FRMD5: variants seen among roughly 807,000 people sequenced by gnomAD.
FRMD5 encodes the protein FERM domain-containing protein 5.
In FRMD5, 20 loss-of-function variants were observed where a neutral mutation model predicts 69.0. The observed-to-expected ratio is 0.29, with a 90% CI of 0.20 to 0.42. The LOEUF is 0.42. Ranked by LOEUF, FRMD5 falls within the 10% of genes least tolerant of loss-of-function variation. The pLI, the probability that FRMD5 is intolerant of heterozygous loss-of-function variation, is 1.00. For missense variants in FRMD5, 595 were observed against 708.6 expected (o/e 0.84, Z 1.82); for synonymous variants, 271 against 260.1 (o/e 1.04, Z -0.40).
chr15:44,065,583 T>C (rs1050994820), intron 1 of FRMD5, among the ~76,000 whole-genome samples: 2 of 152,080 alleles, frequency 1.3e-5, no homozygotes, highest in African/African-American at 4.8e-5. Context: ...ACTTAGACAG[T>C]TTAATATAAA....
intron 1 of FRMD5, among the ~76,000 whole-genome samples, chr15:43,956,568 G>A (rs2090119138): frequency 6.6e-6 from 1 of 152,118 alleles, no homozygotes; most frequent in Non-Finnish European, 1.5e-5. Context: ...ATTGAATGGA[G>A]AAATCTCAAA....
At chr15:43,898,770 G>A (rs905891056) in intron 7 of FRMD5, among the ~76,000 whole-genome samples, 13 of 152,208 alleles carry the variant, frequency 8.5e-5, no homozygotes, top group South Asian at 2.1e-4. Flanking sequence ...TGGGGCTCCC[G>A]CCAGGAGTTG....
chr15:44,173,437 A>G (rs1170515814), intron 1 of FRMD5, among the ~76,000 whole-genome samples: 8 of 152,210 alleles, frequency 5.3e-5, no homozygotes, highest in Non-Finnish European at 5.9e-5. Context: ...CAAAGTTTCC[A>G]AAAACTCCAA....
Position 44,063,878 on chromosome 15 carries a change from C to T in FRMD5, c.102+131075G>A, listed in dbSNP as rs1243776421. On this transcript the variant is annotated intron_variant, in intron 1 of 13. Transcript: ENST00000417257. ...GGAACCAAAAAGGTCATCATCTCTG[C>T]CCCCTCTGTCGACGTCCCCATGTTT... The T allele has an allele frequency of 2.5e-5, 7 of 274,588 alleles. No homozygotes were observed. In the East Asian group the frequency reaches 3.4e-4, roughly 13 times the overall value. The allele number at this position is 274,588 out of a possible 1,614,324, so 17.0% of individuals were successfully genotyped here.
intron 1 of FRMD5, among the ~76,000 whole-genome samples, chr15:44,076,022 T>C (rs1395679497): frequency 3.9e-5 from 6 of 152,236 alleles, no homozygotes; most frequent in Non-Finnish European, 5.9e-5. Context: ...GTTTGTTTTT[T>C]TCTTGTAAAT....
chr15:44,196,740 C>CTCTT (rs1238079650), upstream of FRMD5, among the ~76,000 whole-genome samples: 21 of 104,336 alleles, frequency 2.0e-4, no homozygotes, highest in Admixed American at 7.1e-4. Context: ...CATTCTCTCT[C>CTCTT]TCTCTCTCTC....
At chr15:44,098,866 T>C (rs2076594536) in intron 1 of FRMD5, among the ~76,000 whole-genome samples, 2 of 152,234 alleles carry the variant, frequency 1.3e-5, no homozygotes, top group Non-Finnish European at 2.9e-5. Context: ...AAAATTATCT[T>C]TTGAGCTTTT....
chr15:43,929,365 C>T (rs1328040094), intron 1 of FRMD5, among the ~76,000 whole-genome samples: 1 of 152,208 alleles, frequency 6.6e-6, no homozygotes, highest in Non-Finnish European at 1.5e-5. Context: ...CTCTGGCATG[C>T]AGCATCCTGA....
chr15:43,919,647 C>T, intron 3 of FRMD5, 110 bp from the exon 4 acceptor site: 1 of 1,432,750 alleles, frequency 7.0e-7, no homozygotes, highest in Non-Finnish European at 9.8e-7. Flanking sequence ...ATATTTAGGG[C>T]CAACTTATAC....
At chr15:44,180,066 AAAAAAAGGC>A (rs1211950661) in intron 1 of FRMD5, among the ~76,000 whole-genome samples, 4 of 147,926 alleles carry the variant, frequency 2.7e-5, no homozygotes, top group African/African-American at 1.1e-4. Flanking sequence ...AAAAAAAAAA[AAAAAAAGGC>A]AAAAAAGGCA....
intron 1 of FRMD5, among the ~76,000 whole-genome samples, chr15:44,111,102 T>C (rs1215676488): frequency 6.6e-6 from 1 of 152,212 alleles, no homozygotes; most frequent in African/African-American, 2.4e-5. Flanking sequence ...TCCTATGAAC[T>C]ACAAAATCTT....
chr15:43,925,064 G>T (rs946450946), intron 1 of FRMD5, among the ~76,000 whole-genome samples: 3 of 144,398 alleles, frequency 2.1e-5, no homozygotes, highest in Admixed American at 7.2e-5. Context: ...GAGTGCAATA[G>T]CGCAGTCTTG....
chr15:44,062,886 T>C (rs559696188), intron 1 of FRMD5, among the ~76,000 whole-genome samples: 2 of 152,220 alleles, frequency 1.3e-5, no homozygotes, highest in South Asian at 4.2e-4. Context: ...ATCCAATTTT[T>C]CCTTGGTACC....
chr15:44,076,623 T>G, intron 1 of FRMD5, among the ~76,000 whole-genome samples: 1 of 96,066 alleles, frequency 1.0e-5, no homozygotes, highest in African/African-American at 4.1e-5. Flanking sequence ...GGGACTGTTG[T>G]GGGGTGGGGG....
intron 1 of FRMD5, among the ~76,000 whole-genome samples, chr15:44,181,127 A>C (rs2077993002): frequency 6.6e-6 from 1 of 152,058 alleles, no homozygotes; most frequent in Non-Finnish European, 1.5e-5. Context: ...GCAGCCTCCA[A>C]CTCTGGGGCT....
At chr15:43,927,643 C>G (rs1201909860) in intron 1 of FRMD5, among the ~76,000 whole-genome samples, 2 of 152,100 alleles carry the variant, frequency 1.3e-5, no homozygotes, top group Admixed American at 6.6e-5. Context: ...TGAAATGGAA[C>G]AGTGAGAGAC....
chr15:44,186,742 C>T (rs1457387470), intron 1 of FRMD5, among the ~76,000 whole-genome samples: 1 of 152,258 alleles, frequency 6.6e-6, no homozygotes, highest in Non-Finnish European at 1.5e-5. Context: ...ACTATCCCTT[C>T]TTTTTCTCCT....
At chr15:44,070,754 T>A (rs2140412074) in intron 1 of FRMD5, among the ~76,000 whole-genome samples, 1 of 152,310 alleles carries the variant, frequency 6.6e-6, no homozygotes, top group African/African-American at 2.4e-5. Flanking sequence ...ATTCTTAACA[T>A]CCTATCCAAC....
At chr15:43,996,384 G>T (rs1266142857) in intron 1 of FRMD5, among the ~76,000 whole-genome samples, 1 of 152,186 alleles carries the variant, frequency 6.6e-6, no homozygotes, top group Non-Finnish European at 1.5e-5. Flanking sequence ...CACACAGAGG[G>T]TATCTTTCTC....
Sources: allele counts gnomAD v4.1 joint callset (sites outside exome capture counted in the v4.1 genomes callset), GRCh38; gene constraint gnomAD v4.1.1; transcripts MANE v1.5; gene names NCBI Gene and HGNC (gene_info 2026-07-23, HGNC 2026-07-21).